Variants in ZFPM2 observed in about 807,000 individuals in gnomAD.
ZFPM2 encodes the protein zinc finger protein ZFPM2.
In ZFPM2, 20 loss-of-function variants were observed where a neutral mutation model predicts 98.6. The ratio of observed to expected loss-of-function variants is 0.20; its 90% CI spans 0.14 to 0.29. The LOEUF is 0.29. Ranked by LOEUF, ZFPM2 falls within the 10% of genes least tolerant of loss-of-function variation. ZFPM2 has a pLI of 1.00. For missense variants in ZFPM2, 1,310 were observed against 1,388.6 expected, an observed-to-expected ratio of 0.94 and a Z score of 0.90; for synonymous variants, 518 against 502.7, an observed-to-expected ratio of 1.03 and a Z score of -0.41.
chr8:105,439,807 C>T (rs1183779798), intron 2 of ZFPM2, among the ~76,000 whole-genome samples: 5 of 152,108 alleles, frequency 3.3e-5, no homozygotes, highest in Non-Finnish European at 5.9e-5. Flanking sequence ...TATTCTTTAC[C>T]ATTGGGGAGA....
At chr8:105,458,078 T>C (rs1812626126) in intron 3 of ZFPM2, among the ~76,000 whole-genome samples, 1 of 152,150 alleles carries the variant, frequency 6.6e-6, no homozygotes, top group East Asian at 1.9e-4. Flanking sequence ...TGTTGGAAGT[T>C]TTTGGAGAGT....
chr8:105,597,551 A>C (rs1056498869), intron 4 of ZFPM2, among the ~76,000 whole-genome samples: 1 of 152,140 alleles, frequency 6.6e-6, no homozygotes, highest in Admixed American at 6.6e-5. Flanking sequence ...ATTAAAGAGT[A>C]TAGAGAACAA....
At chr8:105,611,865 A>C (rs1385458675) in intron 4 of ZFPM2, among the ~76,000 whole-genome samples, 2 of 151,340 alleles carry the variant, frequency 1.3e-5, no homozygotes, top group East Asian at 3.9e-4. Flanking sequence ...CGCCTAGCTA[A>C]TTTTTTGTAT....
intron 3 of ZFPM2, among the ~76,000 whole-genome samples, chr8:105,479,600 A>G (rs1375069437): frequency 3.3e-5 from 5 of 152,192 alleles, no homozygotes; most frequent in East Asian, 1.9e-4. Context: ...TTGAAGAACA[A>G]TGATTAGGAG....
At chr8:105,328,326 A>G (rs1231826163) in intron 1 of ZFPM2, among the ~76,000 whole-genome samples, 1 of 151,860 alleles carries the variant, frequency 6.6e-6, no homozygotes, top group Non-Finnish European at 1.5e-5. Flanking sequence ...GAAAGATCTA[A>G]AAGTTTAATT....
chr8:105,328,397 TG>T (rs143315407), intron 1 of ZFPM2, among the ~76,000 whole-genome samples: 2,578 of 151,932 alleles, frequency 0.017, 79 homozygotes, highest in African/African-American at 0.058. Flanking sequence ...CAACATAGAA[TG>T]CTTATATCCA....
At chr8:105,349,047 A>G (rs888465685) in intron 1 of ZFPM2, among the ~76,000 whole-genome samples, 1 of 152,202 alleles carries the variant, frequency 6.6e-6, no homozygotes, top group Non-Finnish European at 1.5e-5. Context: ...GGTTACAGAA[A>G]AAGATGATAA....
chr8:105,738,277 T>C (rs535703882), intron 5 of ZFPM2, among the ~76,000 whole-genome samples: 1 of 152,194 alleles, frequency 6.6e-6, no homozygotes, highest in Admixed American at 6.5e-5. Context: ...AGGTATTTGG[T>C]TTTCTGTTCC....
At chr8:105,428,856 G>GA (rs752489241) in intron 2 of ZFPM2, among the ~76,000 whole-genome samples, 3 of 152,080 alleles carry the variant, frequency 2.0e-5, no homozygotes, top group Non-Finnish European at 4.4e-5. Flanking sequence ...ATAAACATAG[G>GA]AACTAGAAAA....
chr8:105,542,821 G>A (rs1397718355), intron 3 of ZFPM2, among the ~76,000 whole-genome samples: 1 of 152,016 alleles, frequency 6.6e-6, no homozygotes, highest in Non-Finnish European at 1.5e-5. Context: ...TTAAAACTGT[G>A]GTATAATATC....
intron 2 of ZFPM2, among the ~76,000 whole-genome samples, chr8:105,441,699 T>C (rs1333614450): frequency 1.3e-5 from 2 of 151,988 alleles, no homozygotes; most frequent in Non-Finnish European, 2.9e-5. Context: ...TACATGACAT[T>C]AGTTCAGTAC....
chr8:105,563,419 T>C (rs1024610101), intron 4 of ZFPM2, among the ~76,000 whole-genome samples: 2 of 152,196 alleles, frequency 1.3e-5, no homozygotes, highest in Non-Finnish European at 2.9e-5. Context: ...CATAAAAGGA[T>C]GAAGTAGGGG....
chr8:105,370,404 A>G (rs1264163286), intron 1 of ZFPM2, among the ~76,000 whole-genome samples: 11 of 152,214 alleles, frequency 7.2e-5, no homozygotes, highest in Non-Finnish European at 1.5e-4. Context: ...ATTTCAGCCT[A>G]GAAGTGTTTA....
intron 1 of ZFPM2, among the ~76,000 whole-genome samples, chr8:105,401,665 G>C (rs931394578): frequency 2.0e-5 from 3 of 152,154 alleles, no homozygotes; most frequent in African/African-American, 7.2e-5. Context: ...TCTGAAGTTA[G>C]AAAACTGGTA....
chr8:105,482,995 T>TTCCTTCCTTCC (rs1554609772), intron 3 of ZFPM2, among the ~76,000 whole-genome samples: 1 of 51,406 alleles, frequency 1.9e-5, no homozygotes, highest in Non-Finnish European at 3.4e-5. Context: ...CCCCCCATCC[T>TTCCTTCCTTCC]TTCCTTCCTT....
rs544170542 is a variant in ZFPM2 at position 105,391,533 on chromosome 8, T to G, written c.41-27611T>G. 9.8e-5 allele frequency among the ~76,000 whole-genome samples: 15 copies of G among 152,348 alleles called. No homozygotes were observed. In the South Asian group the frequency reaches 3.1e-3, roughly 32 times the overall value. ...ATAGTATTTTATCTACTGTAGAACT[T>G]TCAGAATTAGAGTCAATCCTCACAC... On this transcript the variant is annotated intron_variant, in intron 1 of 7. Transcript: ENST00000407775.
At chr8:105,751,392 G>T (rs1804338567) in intron 5 of ZFPM2, among the ~76,000 whole-genome samples, 1 of 152,102 alleles carries the variant, frequency 6.6e-6, no homozygotes, top group Admixed American at 6.6e-5. Context: ...AAGTCAGATT[G>T]TAACGAATGT....
chr8:105,618,657 C>T (rs981895256), intron 4 of ZFPM2, among the ~76,000 whole-genome samples: 8 of 152,086 alleles, frequency 5.3e-5, no homozygotes, highest in Admixed American at 5.2e-4. Flanking sequence ...CATATATTAA[C>T]TCATTTAATC....
At chr8:105,330,647 TA>T (rs1443297825) in intron 1 of ZFPM2, among the ~76,000 whole-genome samples, 2 of 132,816 alleles carry the variant, frequency 1.5e-5, no homozygotes, top group African/African-American at 2.7e-5. Context: ...TATATATATA[TA>T]TTTTTCAGGA....
Sources: gnomAD v4.1 joint callset for allele counts (sites outside exome capture counted in the v4.1 genomes callset) on GRCh38, gnomAD v4.1.1 for gene constraint, MANE v1.5 for transcripts, NCBI Gene and HGNC (gene_info 2026-07-23, HGNC 2026-07-21) for gene names.